LRRC49: variants seen among roughly 807,000 people sequenced by gnomAD.
LRRC49 encodes the protein leucine rich repeat containing 49.
In LRRC49, 50 loss-of-function variants were observed where a neutral mutation model predicts 83.3. The observed-to-expected ratio is 0.60, with a 90% CI of 0.48 to 0.76. LRRC49 has a LOEUF of 0.76. Ranked by LOEUF, LRRC49 falls within the 30% of genes least tolerant of loss-of-function variation. LRRC49 has a pLI of 0.00. For missense variants in LRRC49, 704 were observed against 809.1 expected (o/e 0.87, Z 1.58); for synonymous variants, 286 against 283.3 (o/e 1.01, Z -0.10).
upstream of LRRC49, among the ~76,000 whole-genome samples, chr15:70,887,608 AAG>A (rs998559690): frequency 2.7e-5 from 4 of 145,662 alleles, no homozygotes; most frequent in African/African-American, 1.1e-4. Flanking sequence ...TTTTATTACA[AAG>A]AGAGCTATAA....
chr15:70,941,709 T>G (rs2035823677), intron 8 of LRRC49, among the ~76,000 whole-genome samples: 1 of 152,164 alleles, frequency 6.6e-6, no homozygotes, highest in Admixed American at 6.5e-5. Context: ...CTATAACCAT[T>G]TAAAGCATTA....
rs781493528 is a variant in LRRC49, at chr15:70,919,123, A to T, written c.641A>T (p.His214Leu). Residue 214 changes from histidine (H) to leucine (L), a missense_variant, in exon 7 of 16, where the codon CAT becomes CTT. Physicochemically the swap from His to Leu is moderately conservative, Grantham distance 99. This residue lies in a region of LRRC49 where 261 missense variants were observed against 330.5 expected (regional missense o/e 0.79). Coordinates refer to ENST00000260382, the MANE Select transcript of LRRC49 (RefSeq NM_017691.5). ...AATCTTGCCAGGAACTTTTTAAGTCATGTTGATAATCTTAATGGGCTGGAT... is the reference window on the plus strand; with the variant it reads ...AATCTTGCCAGGAACTTTTTAAGTCTTGTTGATAATCTTAATGGGCTGGAT... ...VLNLARNFLS[H>L]VDNLNGLDSL... is the part of the protein sequence containing the mutation. 3.1e-6 allele frequency: 5 copies of T among 1,612,454 alleles called. No homozygotes were observed. The highest frequency in any genetic ancestry group is 4.2e-6 in the Non-Finnish European group (5 of 1,178,762).
At chr15:70,963,542 G>T (rs2036683192) in intron 8 of LRRC49, among the ~76,000 whole-genome samples, 2 of 152,140 alleles carry the variant, frequency 1.3e-5, no homozygotes, top group Middle Eastern at 3.4e-3. Context: ...GGGAAACCTG[G>T]ATAAAATACA....
chr15:70,861,495 G>T (rs925466372), intron 1 of LRRC49, among the ~76,000 whole-genome samples: 1 of 151,618 alleles, frequency 6.6e-6, no homozygotes, highest in Non-Finnish European at 1.5e-5. Flanking sequence ...TGCTGCAGGT[G>T]GTAAAAAGAG....
At chr15:70,881,207 C>T (rs143393306) in intron 2 of LRRC49, 3 of 152,090 alleles carry the variant, frequency 2.0e-5, no homozygotes, top group South Asian at 2.1e-4. Context: ...CCAGCCTGGG[C>T]GATAGAACAT....
intron 15 of LRRC49, among the ~76,000 whole-genome samples, chr15:71,045,518 C>G (rs527263990): frequency 1.9e-4 from 29 of 152,004 alleles, no homozygotes; most frequent in Non-Finnish European, 3.4e-4. Context: ...GAGTATTTTT[C>G]TTTGTAAATT....
chr15:70,876,795 C>T (rs2033161151), intron 2 of LRRC49, among the ~76,000 whole-genome samples: 1 of 152,150 alleles, frequency 6.6e-6, no homozygotes, highest in Non-Finnish European at 1.5e-5. Flanking sequence ...AAAGGCATGC[C>T]ATCTCTAACA....
At chr15:70,922,600 C>G (rs974156766) in intron 7 of LRRC49, among the ~76,000 whole-genome samples, 1 of 151,854 alleles carries the variant, frequency 6.6e-6, no homozygotes, top group Non-Finnish European at 1.5e-5. Context: ...TGAATGAAAC[C>G]TACCATTTGA....
At chr15:70,885,211 G>C (rs540947766) in intron 2 of LRRC49, among the ~76,000 whole-genome samples, 1 of 152,154 alleles carries the variant, frequency 6.6e-6, no homozygotes, top group African/African-American at 2.4e-5. Flanking sequence ...CTAGAACAAG[G>C]CAGAAAGAGA....
chr15:70,900,235 C>T, intron 3 of LRRC49: 1 of 266,974 alleles, frequency 3.7e-6, no homozygotes, highest in Non-Finnish European at 7.4e-6. Context: ...GCAAGGACAC[C>T]ATCTAACAAA....
chr15:71,021,032 T>C (rs746922212), intron 14 of LRRC49, among the ~76,000 whole-genome samples: 16 of 152,086 alleles, frequency 1.1e-4, no homozygotes, highest in Non-Finnish European at 2.2e-4. Context: ...ACACTAATGA[T>C]AGCTGATGAG....
In LRRC49 at chr15:71,046,897, T is replaced by C. The variant is rs147952025; in HGVS notation, c.1858-2512T>C. 1.6e-3 allele frequency among the ~76,000 whole-genome samples: 242 copies of C among 152,334 alleles called. 1 individual carries two copies. The highest frequency in any genetic ancestry group is 0.013 in the East Asian group (69 of 5,184). On this transcript the variant is annotated intron_variant, in intron 15 of 15. Transcript: ENST00000260382. ...AGATAAGAAAGGTCCAGCTTCAATC[T>C]TCTGCATATGGCTAGCCAGTTATCT...
At chr15:70,991,543 T>C (rs2037878889) in intron 11 of LRRC49, among the ~76,000 whole-genome samples, 1 of 152,234 alleles carries the variant, frequency 6.6e-6, no homozygotes. Context: ...GGATTTGGTA[T>C]AGTACTCAGC....
At chr15:71,014,471 C>A (rs1158092093) in intron 14 of LRRC49, among the ~76,000 whole-genome samples, 1 of 152,016 alleles carries the variant, frequency 6.6e-6, no homozygotes, top group Non-Finnish European at 1.5e-5. Flanking sequence ...GAAAAAAAAG[C>A]ATTTGGGTTA....
chr15:70,886,184 G>A (rs958673866), intron 2 of LRRC49, among the ~76,000 whole-genome samples: 2 of 152,126 alleles, frequency 1.3e-5, no homozygotes, highest in African/African-American at 4.8e-5. Context: ...CATGTTAGGT[G>A]GGGACTTATA....
At chr15:70,875,577 C>T (rs2033136941) in intron 2 of LRRC49, among the ~76,000 whole-genome samples, 1 of 152,174 alleles carries the variant, frequency 6.6e-6, no homozygotes, top group South Asian at 2.1e-4. Flanking sequence ...TTACAAAGTC[C>T]ATCCTCTTAG....
upstream of LRRC49, among the ~76,000 whole-genome samples, chr15:70,891,626 G>C (rs1478535046): frequency 7.4e-6 from 1 of 134,276 alleles, no homozygotes; most frequent in African/African-American, 2.6e-5. Context: ...TGTGAGTTTT[G>C]GGGGAGGAGC....
In LRRC49 at chr15:70,978,191, G is replaced by A. The variant is rs1326058029; in HGVS notation, c.922-1910G>A. On this transcript the variant is annotated intron_variant, in intron 9 of 15. Coordinates refer to ENST00000260382, the MANE Select transcript of LRRC49 (RefSeq NM_017691.5). Reference sequence around the variant, plus strand: ...TAGGCTAGATTGTGCTGCAGTAACAGCTTCTCTAACTTCAGTGAATTAAAA... The same window carrying A: ...TAGGCTAGATTGTGCTGCAGTAACAACTTCTCTAACTTCAGTGAATTAAAA... Among the ~76,000 whole-genome samples the A allele has an allele frequency of 1.8e-3, 270 of 152,202 alleles. 1 individual carries two copies. Among genetic ancestry groups the A allele is most frequent in the Non-Finnish European group, 3.1e-3 (214 of 68,008 alleles).
chr15:70,885,703 T>G (rs2033388106), intron 2 of LRRC49, among the ~76,000 whole-genome samples: 1 of 152,170 alleles, frequency 6.6e-6, no homozygotes. Flanking sequence ...CCTAATAACA[T>G]AGCTTCAAGA....
Sources: gnomAD v4.1 joint callset for allele counts (sites outside exome capture counted in the v4.1 genomes callset) on GRCh38, gnomAD v4.1.1 for gene constraint, gnomAD v4.1.1 regional missense constraint, MANE v1.5 for transcripts, NCBI Gene and HGNC (gene_info 2026-07-23, HGNC 2026-07-21) for gene names.